The following FBXL7 variants were observed in gnomAD, a reference collection of about 807,000 sequenced individuals.
FBXL7 encodes F-box and leucine rich repeat protein 7, also known as F-box/LRR-repeat protein 7.
Under a neutral mutation model 38.3 loss-of-function variants are expected in FBXL7, and 12 were observed. That is an observed-to-expected ratio of 0.31 (90% confidence interval 0.20 to 0.51). The LOEUF is 0.51. Among genes scored for constraint, FBXL7 ranks in the 20% least tolerant of loss-of-function variants. The pLI, the probability that FBXL7 is intolerant of heterozygous loss-of-function variation, is 0.98. For synonymous variants in FBXL7, 297 were observed against 300.9 expected (o/e 0.99, Z 0.13); for missense variants, 567 against 676.4 (o/e 0.84, Z 1.79).
intron 2 of FBXL7, among the ~76,000 whole-genome samples, chr5:15,883,861 T>C (rs933575927): frequency 6.6e-6 from 1 of 152,236 alleles, no homozygotes; most frequent in African/African-American, 2.4e-5. Context: ...ATTTCAAACA[T>C]GGATAACTGC....
intron 3 of FBXL7, among the ~76,000 whole-genome samples, chr5:15,934,991 T>C (rs1326900369): frequency 6.6e-6 from 1 of 152,124 alleles, no homozygotes; most frequent in Middle Eastern, 3.2e-3. Context: ...GGATGCTAGT[T>C]TATACAAGCA....
intron 2 of FBXL7, among the ~76,000 whole-genome samples, chr5:15,619,125 C>A (rs1580411483): frequency 6.6e-6 from 1 of 152,160 alleles, no homozygotes; most frequent in Non-Finnish European, 1.5e-5. Flanking sequence ...ACTGAGCATG[C>A]GCAGTGTGTT....
At chr5:15,716,034 T>C (rs1352099059) in intron 2 of FBXL7, among the ~76,000 whole-genome samples, 2 of 152,234 alleles carry the variant, frequency 1.3e-5, no homozygotes, top group African/African-American at 2.4e-5. Context: ...TACTGTATTT[T>C]CATAAAGCTG....
intron 2 of FBXL7, among the ~76,000 whole-genome samples, chr5:15,693,663 C>T (rs745565965): frequency 7.9e-5 from 12 of 152,158 alleles, no homozygotes; most frequent in Non-Finnish European, 1.3e-4. Flanking sequence ...AGCGGACACA[C>T]GCATAAGCAG....
chr5:15,835,998 C>T (rs1425295096), intron 2 of FBXL7, among the ~76,000 whole-genome samples: 2 of 152,126 alleles, frequency 1.3e-5, no homozygotes, highest in African/African-American at 4.8e-5. Context: ...TCCACTAATA[C>T]TTAGATAGGT....
At chr5:15,699,372 T>C (rs548159288) in intron 2 of FBXL7, among the ~76,000 whole-genome samples, 154 of 152,256 alleles carry the variant, frequency 1.0e-3, no homozygotes, top group Non-Finnish European at 1.8e-3. Context: ...CTAGTGGTGG[T>C]TGTCAACCCT....
chr5:15,777,158 T>A (rs1444662592), intron 2 of FBXL7, among the ~76,000 whole-genome samples: 2 of 151,996 alleles, frequency 1.3e-5, no homozygotes, highest in Non-Finnish European at 2.9e-5. Context: ...ATAAAGAAAC[T>A]GAGAAATGGA....
At chr5:15,883,548 C>G (rs1740549290) in intron 2 of FBXL7, among the ~76,000 whole-genome samples, 1 of 152,108 alleles carries the variant, frequency 6.6e-6, no homozygotes, top group Non-Finnish European at 1.5e-5. Flanking sequence ...AATTCACTTA[C>G]CATTCTTCAG....
intron 1 of FBXL7, among the ~76,000 whole-genome samples, chr5:15,614,350 A>G (rs1740370633): frequency 6.6e-6 from 1 of 151,082 alleles, no homozygotes; most frequent in African/African-American, 2.4e-5. Flanking sequence ...GCTCACTGCA[A>G]CCTCCGCCTC....
chr5:15,926,444 A>G (rs1445064573), intron 2 of FBXL7, among the ~76,000 whole-genome samples: 1 of 148,718 alleles, frequency 6.7e-6, no homozygotes, highest in Non-Finnish European at 1.5e-5. Flanking sequence ...TACATTGGAT[A>G]TATATGGTAA....
chr5:15,912,257 C>A (rs1378376614), intron 2 of FBXL7, among the ~76,000 whole-genome samples: 1 of 92,616 alleles, frequency 1.1e-5, no homozygotes, highest in East Asian at 2.9e-4. Context: ...GTCTGAAAAG[C>A]GCAATATTCG....
chr5:15,672,879 T>A (rs1742526290), intron 2 of FBXL7, among the ~76,000 whole-genome samples: 1 of 152,168 alleles, frequency 6.6e-6, no homozygotes. Context: ...CTAAATTTAA[T>A]GTCTGTCAAT....
intron 2 of FBXL7, among the ~76,000 whole-genome samples, chr5:15,733,442 A>G (rs1215613089): frequency 6.6e-6 from 1 of 152,226 alleles, no homozygotes; most frequent in East Asian, 1.9e-4. Flanking sequence ...GTGTATTATA[A>G]TAATTGTTTT....
rs780982710 is a variant in FBXL7 at position 15,936,563 on chromosome 5, C to G, written c.853C>G (p.Leu285Val). Residue 285 changes from leucine (L) to valine (V), a missense_variant, in exon 4 of 4, where the codon CTG (leucine) becomes GTG (valine). Coordinates refer to ENST00000504595, the MANE Select transcript of FBXL7 (RefSeq NM_012304.5). The surrounding 1 kb of genome is among the most constrained non-coding windows in gnomAD (Gnocchi z 6.0). ...RYLDMTDCFV[L>V]EDEGLHTIAA... ...CCTGGACATGACGGACTGCTTCGTG[C>G]TGGAGGACGAAGGCCTGCACACCAT... 3.1e-6 allele frequency: 5 copies of G among 1,612,990 alleles called. No individual in the cohort carries two copies. The Admixed American group carries it at 8.3e-5, about 27-fold the overall frequency.
intron 1 of FBXL7, among the ~76,000 whole-genome samples, chr5:15,609,871 G>A (rs763437483): frequency 2.6e-4 from 40 of 152,204 alleles, no homozygotes; most frequent in Non-Finnish European, 8.8e-5. Flanking sequence ...GTTGCTCTCT[G>A]TATTAGTCTG....
At chr5:15,516,719 G>A (rs1320491831) in intron 1 of FBXL7, among the ~76,000 whole-genome samples, 1 of 152,096 alleles carries the variant, frequency 6.6e-6, no homozygotes, top group Non-Finnish European at 1.5e-5. Context: ...CGTGTGGGTG[G>A]TTACCTTCAT....
intron 2 of FBXL7, among the ~76,000 whole-genome samples, chr5:15,675,574 G>T (rs79000620): frequency 2.0e-5 from 3 of 152,174 alleles, no homozygotes; most frequent in African/African-American, 7.2e-5. Context: ...GAAGAAATGC[G>T]CAGCAGGAAA....
intron 2 of FBXL7, among the ~76,000 whole-genome samples, chr5:15,905,338 G>C (rs1016178618): frequency 6.6e-6 from 1 of 152,114 alleles, no homozygotes; most frequent in East Asian, 1.9e-4. Flanking sequence ...TTTAAAAGAT[G>C]TGGTCTTTTT....
In FBXL7 at chr5:15,500,725, G is replaced by A. The variant is rs1234699562; in HGVS notation, c.37+12G>A. 1.2e-6 allele frequency: 2 copies of A among 1,603,768 alleles called. No individual in the cohort carries two copies. The highest frequency in any genetic ancestry group is 1.1e-5 in the South Asian group (1 of 90,428). The stretch of plus-strand genomic sequence containing the variant: ...GTACGGCAGTGAGGGTGAGTGGGCC[G>A]CCCGTCCTCAGACTCCCGGATCGCG... On this transcript the variant is annotated intron_variant, in intron 1 of 3. Transcript: ENST00000504595.
Sources: gnomAD v4.1 joint callset for allele counts (sites outside exome capture counted in the v4.1 genomes callset) on GRCh38, gnomAD v4.1.1 for gene constraint, Gnocchi (gnomAD v3.1) non-coding constraint, MANE v1.5 for transcripts, NCBI Gene and HGNC (gene_info 2026-07-23, HGNC 2026-07-21) for gene names.